Variants in MALRD1 observed in about 807,000 individuals in gnomAD.
MALRD1 encodes MAM and LDL receptor class A domain containing 1.
In MALRD1, 247 loss-of-function variants were observed where a neutral mutation model predicts 242.1. That is an observed-to-expected ratio of 1.02 (90% CI 0.92 to 1.13). The LOEUF is 1.13. Ranked by LOEUF, MALRD1 falls within the 50% of genes most tolerant of loss-of-function variation. The pLI is 0.00. For synonymous variants in MALRD1, 995 were observed against 866.6 expected, an observed-to-expected ratio of 1.15 and a Z score of -2.60; for missense variants, 2,989 against 2,533.1, an observed-to-expected ratio of 1.18 and a Z score of -3.86.
At chr10:19,584,239 AT>A (rs1457506558) in intron 33 of MALRD1, among the ~76,000 whole-genome samples, 2 of 151,252 alleles carry the variant, frequency 1.3e-5, no homozygotes, top group Non-Finnish European at 2.9e-5. Flanking sequence ...TTCTGCTCTG[AT>A]TTTGGTTATT....
At chr10:19,052,866 C>G (rs781742975) in intron 1 of MALRD1, among the ~76,000 whole-genome samples, 5 of 152,186 alleles carry the variant, frequency 3.3e-5, no homozygotes, top group African/African-American at 4.8e-5. Context: ...CATATCTTCT[C>G]TCCTCCACCT....
intron 38 of MALRD1, among the ~76,000 whole-genome samples, chr10:19,724,682 C>T (rs973410791): frequency 6.6e-6 from 1 of 152,100 alleles, no homozygotes; most frequent in African/African-American, 2.4e-5. Context: ...TTTTATAGCC[C>T]CACTAAGCTA....
At chr10:19,645,872 G>A (rs529789599) in intron 36 of MALRD1, among the ~76,000 whole-genome samples, 24 of 151,908 alleles carry the variant, frequency 1.6e-4, no homozygotes, top group East Asian at 3.9e-4. Flanking sequence ...AAAACTTAAA[G>A]TATAATAATA....
intron 21 of MALRD1, among the ~76,000 whole-genome samples, chr10:19,301,527 C>T (rs1841949175): frequency 6.6e-6 from 1 of 151,864 alleles, no homozygotes; most frequent in Non-Finnish European, 1.5e-5. Flanking sequence ...GAACACTATG[C>T]AGCCATAGAG....
intron 28 of MALRD1, among the ~76,000 whole-genome samples, chr10:19,416,848 C>T (rs1056006221): frequency 1.3e-5 from 2 of 152,184 alleles, no homozygotes; most frequent in Non-Finnish European, 2.9e-5. Context: ...TTTTCAAAAA[C>T]TTGCCATTCT....
At chr10:19,141,711 G>A (rs1355985680) in intron 10 of MALRD1, among the ~76,000 whole-genome samples, 1 of 151,676 alleles carries the variant, frequency 6.6e-6, no homozygotes, top group Non-Finnish European at 1.5e-5. Context: ...ATGAAAAAGG[G>A]GTTTTTTAAA....
intron 4 of MALRD1, among the ~76,000 whole-genome samples, chr10:19,097,129 A>T (rs183832649): frequency 1.3e-3 from 201 of 152,330 alleles, no homozygotes; most frequent in Non-Finnish European, 2.5e-3. Flanking sequence ...ACATAATTTT[A>T]TTGACCCTTC....
chr10:19,307,444 A>G (rs149869284), intron 21 of MALRD1, among the ~76,000 whole-genome samples: 100 of 151,682 alleles, frequency 6.6e-4, no homozygotes, highest in African/African-American at 2.2e-3. Flanking sequence ...AGTAATTCTA[A>G]CTTTTTAGCT....
At chr10:19,080,040 A>T (rs957314716) in intron 2 of MALRD1, among the ~76,000 whole-genome samples, 1 of 151,988 alleles carries the variant, frequency 6.6e-6, no homozygotes, top group Non-Finnish European at 1.5e-5. Flanking sequence ...AGAATAAAAC[A>T]CTGAAGAATA....
At chr10:19,656,285 CAT>C (rs1323440426) in intron 36 of MALRD1, among the ~76,000 whole-genome samples, 1 of 152,066 alleles carries the variant, frequency 6.6e-6, no homozygotes, top group Admixed American at 6.6e-5. Flanking sequence ...CTTATAAACT[CAT>C]ATTTGAAAAA....
chr10:19,408,997 T>C (rs1258826894), intron 28 of MALRD1, among the ~76,000 whole-genome samples: 1 of 152,226 alleles, frequency 6.6e-6, no homozygotes, highest in African/African-American at 2.4e-5. Context: ...TGTACACAGA[T>C]GTTTATAACA....
intron 28 of MALRD1, among the ~76,000 whole-genome samples, chr10:19,404,779 T>A (rs910005583): frequency 6.6e-6 from 1 of 152,114 alleles, no homozygotes; most frequent in Admixed American, 6.6e-5. Context: ...CTCCAGAAAA[T>A]TTCTGTTAAA....
intron 19 of MALRD1, among the ~76,000 whole-genome samples, chr10:19,270,336 T>TCTCTCA (rs1366865915): frequency 3.1e-5 from 4 of 130,876 alleles, no homozygotes; most frequent in African/African-American, 8.3e-5. Flanking sequence ...TCTCTCTCTC[T>TCTCTCA]CACACACACA....
At position 19,331,387 on chromosome 10, in the gene MALRD1, C is replaced by T. The variant is rs774267325; in HGVS notation, c.3706C>T (p.Arg1236Cys). ...TTTTTAGATTGTCTTCAGAGCCAAA[C>T]GTGGTATCAGTTACATAGGAGATGT... The part of the protein sequence containing the change: ...SHTQIVFRAK[R>C]GISYIGDVAV... The change falls in exon 24 of 40, where the codon CGT becomes TGT. Residue 1236 changes from arginine to cysteine, a missense_variant. Arg to Cys is a radical substitution (Grantham distance 180). Coordinates refer to ENST00000454679, the MANE Select transcript of MALRD1 (RefSeq NM_001142308.3). 3.4e-5 allele frequency: 52 copies of T among 1,549,798 alleles called. No homozygotes were observed. The highest frequency in any genetic ancestry group is 5.9e-5 in the Admixed American group (3 of 50,902).
At chr10:19,407,224 T>A (rs998939570) in intron 28 of MALRD1, among the ~76,000 whole-genome samples, 6 of 152,088 alleles carry the variant, frequency 3.9e-5, no homozygotes, top group African/African-American at 9.7e-5. Context: ...AATCCCAGCA[T>A]TTTGGGAAGC....
At chr10:19,288,866 C>A (rs1489049633) in intron 21 of MALRD1, among the ~76,000 whole-genome samples, 1 of 152,064 alleles carries the variant, frequency 6.6e-6, no homozygotes, top group Non-Finnish European at 1.5e-5. Flanking sequence ...GGTGTCTCTG[C>A]TGCTCTGTGT....
At chr10:19,475,331 T>C (rs1019231948) in intron 29 of MALRD1, among the ~76,000 whole-genome samples, 1 of 152,072 alleles carries the variant, frequency 6.6e-6, no homozygotes, top group Non-Finnish European at 1.5e-5. Flanking sequence ...AGGAGAATGG[T>C]GTGAACCCAG....
intron 32 of MALRD1, among the ~76,000 whole-genome samples, chr10:19,536,673 C>T (rs1834689646): frequency 2.0e-5 from 3 of 151,794 alleles, no homozygotes; most frequent in Non-Finnish European, 1.5e-5. Flanking sequence ...GGTGCTATGA[C>T]CTTACAAAAT....
chr10:19,150,159 G>A (rs1032749100), intron 11 of MALRD1, among the ~76,000 whole-genome samples: 3 of 152,108 alleles, frequency 2.0e-5, no homozygotes, highest in Non-Finnish European at 4.4e-5. Flanking sequence ...TTGCATACGT[G>A]TTTTTGTCTG....
Sources: gnomAD v4.1 joint callset for allele counts (sites outside exome capture counted in the v4.1 genomes callset) on GRCh38, gnomAD v4.1.1 for gene constraint, MANE v1.5 for transcripts, NCBI Gene and HGNC (gene_info 2026-07-23, HGNC 2026-07-21) for gene names.